The following PIK3C2G variants were observed in gnomAD, a reference collection of about 807,000 sequenced individuals.
PIK3C2G encodes phosphatidylinositol-4-phosphate 3-kinase catalytic subunit type 2 gamma, also known as phosphatidylinositol 3-kinase C2 domain-containing subunit gamma.
Under a neutral mutation model 181.1 loss-of-function variants are expected in PIK3C2G, and 168 were observed. The ratio of observed to expected loss-of-function variants is 0.93; its 90% confidence interval spans 0.82 to 1.05. The LOEUF (loss-of-function observed/expected upper bound fraction) is 1.05. PIK3C2G is among the 50% of genes least tolerant of loss of function. The probability of loss-of-function intolerance (pLI) is 0.00; values close to 1 mark genes in which losing one functional copy is unlikely to be tolerated. For synonymous variants in PIK3C2G, 573 were observed against 592.2 expected (o/e 0.97, Z 0.47); for missense variants, 1,869 against 1,732.8 (o/e 1.08, Z -1.40).
chr12:18,379,974 G>C (rs1026069514), intron 13 of PIK3C2G, among the ~76,000 whole-genome samples: 3 of 152,220 alleles, frequency 2.0e-5, no homozygotes, highest in South Asian at 4.1e-4. Flanking sequence ...CTAAACTCAC[G>C]AGTTCCTCCT....
intron 4 of PIK3C2G, among the ~76,000 whole-genome samples, chr12:18,292,227 A>AAAAAAAAAATATAT: frequency 1.2e-3 from 58 of 48,682 alleles, no homozygotes; most frequent in Non-Finnish European, 1.3e-3. Context: ...AAAAAAAAAA[A>AAAAAAAAAATATAT]ATATATATAT....
intron 18 of PIK3C2G, among the ~76,000 whole-genome samples, chr12:18,443,007 G>C (rs1250135947): frequency 1.3e-5 from 2 of 152,084 alleles, no homozygotes; most frequent in Non-Finnish European, 2.9e-5. Flanking sequence ...ACGTAGCTGG[G>C]ATTACAGGCA....
In PIK3C2G at chr12:18,424,050, C is replaced by G; in HGVS notation, c.2504+11C>G. The G allele has an allele frequency of 1.3e-6, 2 of 1,559,496 alleles. No homozygotes were observed. Among genetic ancestry groups the G allele is most frequent in the Non-Finnish European group, 1.8e-6 (2 of 1,134,410 alleles). ...CCATCGTCTTTACTGGTAAGATTAA[C>G]TAAATCAGGCAAGGATGCCTTTTTA... On this transcript the variant is annotated intron_variant, in intron 18 of 32. Coordinates refer to ENST00000538779, the MANE Select transcript of PIK3C2G (RefSeq NM_001288772.2).
At chr12:18,598,552 A>G (rs1260507689) in intron 30 of PIK3C2G, among the ~76,000 whole-genome samples, 1 of 151,738 alleles carries the variant, frequency 6.6e-6, no homozygotes, top group African/African-American at 2.4e-5. Flanking sequence ...ACCCTAGAAG[A>G]AAACCTAGGC....
At position 18,285,980 on chromosome 12, in the gene PIK3C2G, T is replaced by C. The variant is rs146425223; in HGVS notation, c.679-867T>C. Among the ~76,000 whole-genome samples, 630 of 151,760 alleles carry C rather than the reference T, an allele frequency of 4.2e-3. 6 individuals are homozygous for C. The highest frequency in any genetic ancestry group is 7.3e-3 in the South Asian group (35 of 4,820). ...AACAAAGGCAGAGATAGATTGAAAG[T>C]AAAATAAACAAAAAGACAACATTCA... On this transcript the variant is annotated intron_variant, in intron 2 of 32. Transcript: ENST00000538779.
chr12:18,579,111 T>G (rs1161067593), intron 29 of PIK3C2G, among the ~76,000 whole-genome samples: 1 of 152,140 alleles, frequency 6.6e-6, no homozygotes, highest in African/African-American at 2.4e-5. Flanking sequence ...AAATTTTTAC[T>G]GACACTATGT....
the PIK3C2G span, among the ~76,000 whole-genome samples, chr12:18,705,887 A>G: frequency 1.3e-5 from 2 of 151,296 alleles, no homozygotes; most frequent in Middle Eastern, 3.4e-3. Flanking sequence ...TAATAATAAT[A>G]AATAAATTAT....
the PIK3C2G span, among the ~76,000 whole-genome samples, chr12:18,712,188 T>C: frequency 1.2e-3 from 182 of 152,238 alleles, 1 homozygote; most frequent in African/African-American, 4.2e-3. Flanking sequence ...GTGTTAAGTT[T>C]ACAAAAACAA....
rs115430355 is a variant in PIK3C2G at position 18,376,326 on chromosome 12, G to A, written c.1880+5015G>A. On this transcript the variant is annotated intron_variant, in intron 13 of 32. Transcript: ENST00000538779. ...AGCATTAAGATTTAATGACTGCCCC[G>A]CTGGGTTTCAGACTTCCATGGGACC... Among the ~76,000 whole-genome samples the A allele has an allele frequency of 6.6e-3, 1,011 of 152,262 alleles. 10 individuals carry two copies. Among genetic ancestry groups the A allele is most frequent in the African/African-American group, 0.023 (973 of 41,544 alleles).
At chr12:18,313,319 C>T (rs530949306) in intron 5 of PIK3C2G, among the ~76,000 whole-genome samples, 1 of 152,122 alleles carries the variant, frequency 6.6e-6, no homozygotes, top group African/African-American at 2.4e-5. Flanking sequence ...TATAACAGTG[C>T]CAGTAGAAAT....
intron 16 of PIK3C2G, among the ~76,000 whole-genome samples, chr12:18,418,402 A>G (rs1945297150): frequency 6.6e-6 from 1 of 152,164 alleles, no homozygotes; most frequent in African/African-American, 2.4e-5. Flanking sequence ...GAATATATCA[A>G]TGAGCCAGAC....
chr12:18,642,148 G>A (rs1441791215), intron 32 of PIK3C2G, among the ~76,000 whole-genome samples: 1 of 152,094 alleles, frequency 6.6e-6, no homozygotes, highest in Non-Finnish European at 1.5e-5. Flanking sequence ...TTTTATAGAT[G>A]GTACCTTTGG....
chr12:18,645,322 C>G (rs1950062772), intron 32 of PIK3C2G, among the ~76,000 whole-genome samples: 1 of 151,964 alleles, frequency 6.6e-6, no homozygotes, highest in African/African-American at 2.4e-5. Context: ...CATGGATGCA[C>G]CAAAGCAATC....
chr12:18,522,470 T>A (rs563372706), intron 24 of PIK3C2G, among the ~76,000 whole-genome samples: 2 of 151,970 alleles, frequency 1.3e-5, no homozygotes, highest in South Asian at 4.1e-4. Flanking sequence ...TTTTATTTTT[T>A]CCCTCATTTC....
At chr12:18,378,473 T>C (rs1565654495) in intron 13 of PIK3C2G, among the ~76,000 whole-genome samples, 1 of 152,148 alleles carries the variant, frequency 6.6e-6, no homozygotes, top group Non-Finnish European at 1.5e-5. Flanking sequence ...ACTTCATGTC[T>C]AAAACACCAA....
At chr12:18,648,587 A>C (rs1363673329), downstream of PIK3C2G, among the ~76,000 whole-genome samples, 1 of 152,132 alleles carries the variant, frequency 6.6e-6, no homozygotes, top group Non-Finnish European at 1.5e-5. Flanking sequence ...TGTTGGAAGA[A>C]ACTTCTTTGT....
upstream of PIK3C2G, among the ~76,000 whole-genome samples, chr12:18,247,107 G>A (rs1948048442): frequency 6.6e-6 from 1 of 152,140 alleles, no homozygotes; most frequent in African/African-American, 2.4e-5. Context: ...CATTACTGAT[G>A]TCTAAGAGGA....
chr12:18,585,935 C>T (rs1035310198), intron 29 of PIK3C2G, among the ~76,000 whole-genome samples: 9 of 152,138 alleles, frequency 5.9e-5, no homozygotes, highest in Admixed American at 3.9e-4. Context: ...AAACAGCTTA[C>T]TCCTGAATGA....
chr12:18,385,108 T>C (rs1943079770), intron 14 of PIK3C2G, among the ~76,000 whole-genome samples: 2 of 152,176 alleles, frequency 1.3e-5, no homozygotes, highest in South Asian at 4.2e-4. Context: ...TTAGAAAATC[T>C]GGATTCTAGT....
Sources: gnomAD v4.1 joint callset for allele counts (sites outside exome capture counted in the v4.1 genomes callset) on GRCh38, gnomAD v4.1.1 for gene constraint, MANE v1.5 for transcripts, NCBI Gene and HGNC (gene_info 2026-07-23, HGNC 2026-07-21) for gene names.